Variants in KIAA1217 observed in about 807,000 individuals in gnomAD.
The protein encoded by KIAA1217 is sickle tail protein homolog.
In KIAA1217, 88 loss-of-function variants were observed where a neutral mutation model predicts 163.9. That is an observed-to-expected ratio of 0.54 (90% CI 0.45 to 0.64). The LOEUF is 0.64. KIAA1217 is among the 30% of genes least tolerant of loss of function. The pLI is 0.00. For missense variants in KIAA1217, 2,372 were observed against 2,475.0 expected (o/e 0.96, Z 0.88); for synonymous variants, 903 against 923.1 (o/e 0.98, Z 0.39).
chr10:24,544,618 A>G, intron 19 of KIAA1217, 137 bp downstream of exon 19: 1 of 1,019,424 alleles, frequency 9.8e-7, no homozygotes, highest in Non-Finnish European at 1.4e-6. Flanking sequence ...TCGCCATGAA[A>G]CCCTTCTTTC....
chr10:24,085,072 C>T (rs2061654209), intron 2 of KIAA1217, among the ~76,000 whole-genome samples: 1 of 152,010 alleles, frequency 6.6e-6, no homozygotes, highest in Admixed American at 6.6e-5. Context: ...CGCCACCACG[C>T]TCGGCTAATT....
intron 2 of KIAA1217, among the ~76,000 whole-genome samples, chr10:24,264,570 G>A (rs2076025893): frequency 6.6e-6 from 1 of 152,204 alleles, no homozygotes. Flanking sequence ...TGAACTGTGA[G>A]TGATAACGTG....
In KIAA1217 at chr10:24,013,518, C is replaced by T. The variant is rs914129334; in HGVS notation, c.-171+6144C>T. On this transcript the variant is annotated intron_variant, in intron 2 of 18. Transcript: ENST00000376462. The stretch of plus-strand genomic sequence containing the variant: ...GATTCAGTATTTGCTAATTCAACAT[C>T]CATGTCTGTGTTATAGATCATAATT... Among the ~76,000 whole-genome samples the T allele has an allele frequency of 4.6e-5, 7 of 152,192 alleles. No individual in the cohort carries two copies. In the South Asian group the frequency reaches 8.3e-4, roughly 18 times the overall value.
chr10:23,947,561 C>T (rs1490901480), intron 1 of KIAA1217, among the ~76,000 whole-genome samples: 2 of 152,238 alleles, frequency 1.3e-5, no homozygotes, highest in African/African-American at 4.8e-5. Context: ...AATCTTTCCT[C>T]TCCTCTTTCT....
At chr10:24,037,547 G>C (rs1230339296) in intron 2 of KIAA1217, among the ~76,000 whole-genome samples, 1 of 152,130 alleles carries the variant, frequency 6.6e-6, no homozygotes, top group Non-Finnish European at 1.5e-5. Flanking sequence ...GTAAACCTCA[G>C]AGCAAACCTG....
At chr10:24,420,622 T>C (rs2058654862) in intron 3 of KIAA1217, among the ~76,000 whole-genome samples, 1 of 152,250 alleles carries the variant, frequency 6.6e-6, no homozygotes, top group Non-Finnish European at 1.5e-5. Context: ...GTGGTGTTTT[T>C]AGTTTTTTGT....
chr10:24,002,856 G>A (rs1019934984), intron 1 of KIAA1217, among the ~76,000 whole-genome samples: 5 of 151,904 alleles, frequency 3.3e-5, no homozygotes, highest in East Asian at 1.9e-4. Context: ...TTATGCCTTC[G>A]CATTCTCATT....
chr10:24,224,748 A>G (rs1291386119), intron 2 of KIAA1217, among the ~76,000 whole-genome samples: 4 of 152,022 alleles, frequency 2.6e-5, no homozygotes, highest in African/African-American at 9.7e-5. Context: ...TTAGCGTGAT[A>G]ATATTCTGGT....
At chr10:23,885,865 A>C (rs187643453) in intron 1 of KIAA1217, among the ~76,000 whole-genome samples, 13 of 152,096 alleles carry the variant, frequency 8.5e-5, no homozygotes, top group African/African-American at 3.1e-4. Context: ...TAGATAACCC[A>C]TGAACACAAT....
chr10:23,996,865 A>G lies in KIAA1217; in HGVS notation c.-320-10360A>G, dbSNP rs115396102. On this transcript the variant is annotated intron_variant, in intron 1 of 18. Coordinates refer to the KIAA1217 transcript ENST00000376462. ...TTACCCTTGTATTGCGGAAACTCCA[A>G]CAATACTTAACTAGCTCACAGGGGA... Among the ~76,000 whole-genome samples, 392 of 152,324 alleles carry G rather than the reference A, an allele frequency of 2.6e-3. 1 individual carries two copies. The highest frequency in any genetic ancestry group is 9.2e-3 in the African/African-American group (381 of 41,580).
chr10:23,700,150 A>G (rs771847465), intron 1 of KIAA1217, among the ~76,000 whole-genome samples: 1 of 152,124 alleles, frequency 6.6e-6, no homozygotes, highest in African/African-American at 2.4e-5. Flanking sequence ...TCTCTCACTT[A>G]TTCCTTCTCT....
rs776961911 is a variant in KIAA1217 at position 24,501,388 on chromosome 10, A to G, written c.1844A>G (p.His615Arg). 3.7e-6 allele frequency: 6 copies of G among 1,608,736 alleles called. No individual in the cohort carries two copies. The highest frequency in any genetic ancestry group is 3.3e-5 in the Admixed American group (2 of 59,894). The stretch of plus-strand genomic sequence containing the variant: ...TGCACTTTTCTCATAGGAACGCCCC[A>G]TGTGTCTGGTGGGAAGATGCTCAGT... Reference protein sequence around the residue: ...RNHTDSAGTPHVSGGKMLSAL... With the variant: ...RNHTDSAGTPRVSGGKMLSAL... The change falls in exon 9 of 21, where the codon CAT (histidine) becomes CGT (arginine). Residue 615 changes from histidine to arginine, a missense_variant. This residue lies in a region of KIAA1217 where 1,431 missense variants were observed against 1,470.3 expected (regional missense o/e 0.97). Transcript: ENST00000376454.
At chr10:24,179,171 C>A (rs574582986) in intron 2 of KIAA1217, among the ~76,000 whole-genome samples, 4 of 152,228 alleles carry the variant, frequency 2.6e-5, no homozygotes, top group Admixed American at 1.3e-4. Flanking sequence ...TAACAAAGAG[C>A]AATACATTGT....
intron 2 of KIAA1217, among the ~76,000 whole-genome samples, chr10:24,163,679 C>A (rs1481296695): frequency 3.9e-5 from 6 of 152,174 alleles, no homozygotes; most frequent in Admixed American, 3.3e-4. Flanking sequence ...CAAGTGAATT[C>A]ATCTGTAAAC....
intron 2 of KIAA1217, among the ~76,000 whole-genome samples, chr10:24,345,686 T>TA (rs1169365141): frequency 1.3e-5 from 2 of 152,326 alleles, no homozygotes; most frequent in East Asian, 3.9e-4. Flanking sequence ...CTTATATAGT[T>TA]AGATACTTTG....
chr10:23,987,376 C>CAAAAAA (rs34281134), intron 1 of KIAA1217, among the ~76,000 whole-genome samples: 1,198 of 93,486 alleles, frequency 0.013, 23 homozygotes, highest in African/African-American at 0.029. Flanking sequence ...GACTCCATCT[C>CAAAAAA]AAAAAAAAAA....
rs138688371 is a variant in KIAA1217, at chr10:24,249,574, T to C, written c.354+29665T>C. 2.6e-3 allele frequency among the ~76,000 whole-genome samples: 394 copies of C among 152,294 alleles called. 2 individuals carry two copies. Among genetic ancestry groups the C allele is most frequent in the African/African-American group, 8.9e-3 (370 of 41,578 alleles). On this transcript the variant is annotated intron_variant, in intron 2 of 20. Transcript: ENST00000376454. The stretch of plus-strand genomic sequence containing the variant: ...TAAATACCACTGGCTTTTTAAGACG[T>C]AAACATCCAAATCTCAAATGTCTTT...
chr10:23,836,178 T>G (rs1838439436), intron 1 of KIAA1217, among the ~76,000 whole-genome samples: 1 of 152,224 alleles, frequency 6.6e-6, no homozygotes. Flanking sequence ...TGCCTTTTTG[T>G]TTTTAAATGT....
intron 2 of KIAA1217, among the ~76,000 whole-genome samples, chr10:24,319,701 C>T (rs1314131118): frequency 6.6e-6 from 1 of 152,292 alleles, no homozygotes; most frequent in Middle Eastern, 3.4e-3. Flanking sequence ...CCCAGGGGTG[C>T]GCCTTAGCAA....
Sources: gnomAD v4.1 joint callset for allele counts (sites outside exome capture counted in the v4.1 genomes callset) on GRCh38, gnomAD v4.1.1 for gene constraint, gnomAD v4.1.1 regional missense constraint, MANE v1.5 for transcripts, NCBI Gene and HGNC (gene_info 2026-07-23, HGNC 2026-07-21) for gene names.